The following ITPR2 variants were observed in gnomAD, a reference collection of about 807,000 sequenced individuals.
ITPR2 encodes inositol 1,4,5-trisphosphate-gated calcium channel ITPR2.
ITPR2 carries 207 observed loss-of-function variants against 317.1 expected under a neutral mutation model. The observed-to-expected ratio is 0.65, with a 90% confidence interval of 0.58 to 0.73. ITPR2 has a LOEUF of 0.73. Among genes scored for constraint, ITPR2 ranks in the 30% least tolerant of loss-of-function variants. The pLI is 0.00. For synonymous variants in ITPR2, 1,156 were observed against 1,149.1 expected (o/e 1.01, Z -0.12); for missense variants, 2,613 against 3,284.0 (o/e 0.80, Z 4.99).
chr12:26,420,250 T>C (rs761661077), intron 49 of ITPR2, among the ~76,000 whole-genome samples: 1 of 152,192 alleles, frequency 6.6e-6, no homozygotes, highest in Non-Finnish European at 1.5e-5. Context: ...GGGTTTACAG[T>C]TTGCTCTTCC....
intron 13 of ITPR2, among the ~76,000 whole-genome samples, chr12:26,670,288 G>A (rs1201481290): frequency 2.0e-5 from 3 of 152,204 alleles, no homozygotes; most frequent in Non-Finnish European, 4.4e-5. Context: ...AGCCTAACTG[G>A]GAGGCACCCC....
intron 9 of ITPR2, among the ~76,000 whole-genome samples, chr12:26,710,491 G>C (rs917667054): frequency 3.3e-5 from 5 of 152,112 alleles, no homozygotes; most frequent in African/African-American, 1.2e-4. Flanking sequence ...TAAGTGCCCA[G>C]CACAGTTCCA....
chr12:26,613,043 G>A (rs1946305791), intron 26 of ITPR2, among the ~76,000 whole-genome samples: 1 of 152,130 alleles, frequency 6.6e-6, no homozygotes, highest in African/African-American at 2.4e-5. Context: ...TTTTTTGGGT[G>A]TTCATGAAGT....
intron 34 of ITPR2, among the ~76,000 whole-genome samples, chr12:26,564,896 C>T (rs11048580): frequency 0.35 from 52,993 of 151,838 alleles, 11,429 homozygotes; most frequent in South Asian, 0.49. Context: ...TATGGCCAGC[C>T]GTAGAAAAAT....
intron 5 of ITPR2, 117 bp from the exon 6 acceptor site, chr12:26,716,359 T>A (rs538345885): frequency 4.9e-6 from 3 of 617,242 alleles, no homozygotes; most frequent in South Asian, 4.0e-5. Context: ...GGTCCTTTTA[T>A]CCTTCACACA....
At chr12:26,763,152 G>A (rs1420742738) in intron 2 of ITPR2, among the ~76,000 whole-genome samples, 1 of 151,976 alleles carries the variant, frequency 6.6e-6, no homozygotes, top group Non-Finnish European at 1.5e-5. Context: ...GTGTGGTGAT[G>A]GATGCGTGTT....
intron 1 of ITPR2, among the ~76,000 whole-genome samples, chr12:26,822,127 A>T (rs980261772): frequency 1.3e-5 from 2 of 152,172 alleles, no homozygotes; most frequent in African/African-American, 4.8e-5. Flanking sequence ...TAAAAATCTA[A>T]GTTTTCTCTA....
At chr12:26,640,110 A>G (rs1946952666) in intron 21 of ITPR2, among the ~76,000 whole-genome samples, 1 of 152,218 alleles carries the variant, frequency 6.6e-6, no homozygotes. Context: ...ATGCAAGTGT[A>G]TTAACACTTG....
intron 1 of ITPR2, among the ~76,000 whole-genome samples, chr12:26,806,763 C>A (rs139804878): frequency 6.6e-6 from 1 of 152,282 alleles, no homozygotes; most frequent in East Asian, 1.9e-4. Flanking sequence ...TGGTCTCAAG[C>A]ACGTTTGCTC....
Position 26,639,808 on chromosome 12 carries a change from T to C in ITPR2, c.2741-7749A>G, listed in dbSNP as rs941298178. 2.0e-5 allele frequency among the ~76,000 whole-genome samples: 3 copies of C among 152,062 alleles called. No individual in the cohort carries two copies. The South Asian group carries it at 6.2e-4, about 32-fold the overall frequency. On this transcript the variant is annotated intron_variant, in intron 21 of 56. Transcript: ENST00000381340. The stretch of plus-strand genomic sequence containing the variant: ...CTACAAAGGACATGAACTCATCATT[T>C]TTTATGGCTGCATAGTATTCCATGG...
Position 26,833,108 on chromosome 12 carries a change from C to T in ITPR2, c.-327G>A. 1 of 291,550 alleles carries T rather than the reference C, an allele frequency of 3.4e-6. No homozygotes were observed. Among genetic ancestry groups the T allele is most frequent in the Non-Finnish European group, 6.3e-6 (1 of 157,554 alleles). 18.1% of individuals were successfully genotyped at this position (291,550 alleles called of 1,614,324 possible). A position where few individuals can be genotyped will look rare whatever the true frequency, so the allele number is the denominator to read the frequency against. On this transcript the variant is annotated 5_prime_UTR_variant, in exon 1 of 57. Coordinates refer to ENST00000381340, the MANE Select transcript of ITPR2 (RefSeq NM_002223.4). ...CTCTCCAACACCTTTGCTCCTCCTC[C>T]TCCTCCTTCCCTCTCCGCTCCCCAC...
chr12:26,598,593 C>G (rs576788836), intron 30 of ITPR2, among the ~76,000 whole-genome samples: 12 of 152,190 alleles, frequency 7.9e-5, no homozygotes, highest in Admixed American at 2.6e-4. Context: ...ATGAAAAAGG[C>G]AAATAAAGAA....
In ITPR2 at chr12:26,335,613, G is replaced by A. The variant is rs138678460; in HGVS notation, c.*3784C>T. 4.2e-3 allele frequency among the ~76,000 whole-genome samples: 642 copies of A among 152,272 alleles called. 1 individual carries two copies. The highest frequency in any genetic ancestry group is 0.01 in the Middle Eastern group (3 of 294). The stretch of plus-strand genomic sequence containing the variant: ...TTAGGCTATCTGGTTTTGATAGTGC[G>A]TGTTTTCTTCTATTAAGTGAGATAG... On this transcript the variant is annotated 3_prime_UTR_variant, in exon 57 of 57. Coordinates refer to ENST00000381340, the MANE Select transcript of ITPR2 (RefSeq NM_002223.4).
intron 37 of ITPR2, among the ~76,000 whole-genome samples, chr12:26,530,157 A>G (rs1943909992): frequency 6.6e-6 from 1 of 152,188 alleles, no homozygotes; most frequent in Non-Finnish European, 1.5e-5. Context: ...TTAATTTAAC[A>G]GATGATGCAG....
At position 26,595,602 on chromosome 12, in the gene ITPR2, T is replaced by C. The variant is rs777124250; in HGVS notation, c.4255-12A>G. The C allele has an allele frequency of 9.1e-6, 14 of 1,536,018 alleles. No homozygotes were observed. The highest frequency in any genetic ancestry group is 1.7e-6 in the Non-Finnish European group (2 of 1,150,264). ...TAAGCAATTTTAACCTGTGCAAGTTTCAAATACAAAAGAAAGTTAGTTTTC... is the reference window on the plus strand; with the variant it reads ...TAAGCAATTTTAACCTGTGCAAGTTCCAAATACAAAAGAAAGTTAGTTTTC... On this transcript the variant is annotated splice_polypyrimidine_tract_variant and intron_variant, in intron 31 of 56. Transcript: ENST00000381340.
At chr12:26,730,820 G>A (rs1344532893) in intron 2 of ITPR2, among the ~76,000 whole-genome samples, 1 of 152,184 alleles carries the variant, frequency 6.6e-6, no homozygotes, top group East Asian at 1.9e-4. Flanking sequence ...GAAGAAATAC[G>A]AAAGCCACTC....
chr12:26,351,096 C>G (rs1591954388), intron 55 of ITPR2, among the ~76,000 whole-genome samples: 1 of 152,346 alleles, frequency 6.6e-6, no homozygotes, highest in East Asian at 1.9e-4. Context: ...TAACCGGGAA[C>G]ATGAAGAAGC....
At chr12:26,558,664 G>A (rs940962805) in intron 35 of ITPR2, among the ~76,000 whole-genome samples, 2 of 152,114 alleles carry the variant, frequency 1.3e-5, no homozygotes, top group Non-Finnish European at 2.9e-5. Flanking sequence ...ACTCTTGATA[G>A]CTCCTGCTCC....
At chr12:26,468,245 T>G (rs1407496806) in intron 45 of ITPR2, among the ~76,000 whole-genome samples, 2 of 151,988 alleles carry the variant, frequency 1.3e-5, no homozygotes, top group Non-Finnish European at 2.9e-5. Flanking sequence ...ATTCTATTAG[T>G]AAAAGAGAGA....
Sources: allele counts gnomAD v4.1 joint callset (sites outside exome capture counted in the v4.1 genomes callset), GRCh38; gene constraint gnomAD v4.1.1; transcripts MANE v1.5; gene names NCBI Gene and HGNC (gene_info 2026-07-23, HGNC 2026-07-21).